The following GALNT14 variants were observed in gnomAD, a reference collection of about 807,000 sequenced individuals.
The protein encoded by GALNT14 is UDP-GalNAc:polypeptide N-acetylgalactosaminyltransferase 14.
Under a neutral mutation model 77.5 loss-of-function variants are expected in GALNT14, and 60 were observed. The observed-to-expected ratio is 0.77, with a 90% CI of 0.63 to 0.96. The LOEUF (loss-of-function observed/expected upper bound fraction) is 0.96, where lower values mean the gene tolerates loss of function less well. Ranked by LOEUF, GALNT14 falls within the 40% of genes least tolerant of loss-of-function variation. The pLI is 0.00. For synonymous variants in GALNT14, 280 were observed against 281.7 expected, an observed-to-expected ratio of 0.99 and a Z score of 0.06; for missense variants, 710 against 731.0, an observed-to-expected ratio of 0.97 and a Z score of 0.33.
chr2:31,075,028 T>G (rs547029327), intron 1 of GALNT14, among the ~76,000 whole-genome samples: 2 of 152,248 alleles, frequency 1.3e-5, no homozygotes, highest in African/African-American at 4.8e-5. Flanking sequence ...GTGGGAGGTG[T>G]TCAGGTCCTG....
At chr2:31,059,437 C>T (rs1296103906) in intron 1 of GALNT14, among the ~76,000 whole-genome samples, 2 of 152,086 alleles carry the variant, frequency 1.3e-5, no homozygotes, top group South Asian at 2.1e-4. Flanking sequence ...ATCTGTGTCC[C>T]CCTAAAATTC....
chr2:30,985,633 C>T (rs978435859), intron 2 of GALNT14, among the ~76,000 whole-genome samples: 7 of 152,228 alleles, frequency 4.6e-5, no homozygotes, highest in Non-Finnish European at 8.8e-5. Context: ...TTCCCTTCCT[C>T]CCCCAGAGGA....
At chr2:30,895,310 G>A in the GALNT14 span, among the ~76,000 whole-genome samples, 3 of 150,622 alleles carry the variant, frequency 2.0e-5, no homozygotes, top group South Asian at 4.3e-4. Context: ...GCAGGTAATG[G>A]AGTAAGTGTT....
At chr2:31,030,825 C>T (rs1672360393) in intron 1 of GALNT14, among the ~76,000 whole-genome samples, 1 of 152,234 alleles carries the variant, frequency 6.6e-6, no homozygotes, top group South Asian at 2.1e-4. Flanking sequence ...TGATCACCAA[C>T]TGTCAGCATC....
intron 1 of GALNT14, among the ~76,000 whole-genome samples, chr2:30,995,001 C>T (rs979625823): frequency 2.6e-5 from 4 of 151,922 alleles, no homozygotes; most frequent in Non-Finnish European, 4.4e-5. Context: ...CAAATGAGTT[C>T]GATCTTGAAG....
chr2:30,988,775 C>G (rs59078374), intron 2 of GALNT14, among the ~76,000 whole-genome samples: 29,443 of 152,158 alleles, frequency 0.19, 3,105 homozygotes, highest in Admixed American at 0.3. Flanking sequence ...CAGTTCAGAT[C>G]GCTAAACTCC....
At chr2:30,967,252 C>T (rs555582512) in intron 2 of GALNT14, among the ~76,000 whole-genome samples, 80 of 152,284 alleles carry the variant, frequency 5.3e-4, no homozygotes, top group African/African-American at 1.8e-3. Context: ...AAATTGTTTG[C>T]AAACTGTGTG....
intron 13 of GALNT14, among the ~76,000 whole-genome samples, chr2:30,918,914 G>A (rs1440656176): frequency 2.0e-5 from 3 of 152,040 alleles, no homozygotes; most frequent in African/African-American, 7.2e-5. Context: ...TGGTGTGCAG[G>A]CAGCCTGTCC....
intron 2 of GALNT14, among the ~76,000 whole-genome samples, chr2:30,972,793 G>A (rs554313276): frequency 3.0e-4 from 46 of 152,284 alleles, no homozygotes; most frequent in Middle Eastern, 6.8e-3. Flanking sequence ...CAGGTACAGC[G>A]ACCTGTCCAG....
Position 31,137,820 on chromosome 2 carries a change from C to T in GALNT14, c.129+138G>A. 3 of 1,087,004 alleles carry T rather than the reference C, an allele frequency of 2.8e-6. No homozygotes were observed. The South Asian group carries it at 4.9e-5, about 18-fold the overall frequency. 67.3% of individuals were successfully genotyped at this position (1,087,004 alleles called of 1,614,324 possible). ...AAAATCCAGAAACATCACATGGTAG[C>T]CACATCCGGCGGCTGTTACCTGCTC... On this transcript the variant is annotated intron_variant, in intron 1 of 14. Transcript: ENST00000349752.
Position 31,078,984 on chromosome 2 carries a change from C to G in GALNT14, c.129+58974G>C. The G allele has an allele frequency of 2.3e-6, 3 of 1,289,164 alleles. No homozygotes were observed. In the South Asian group the frequency reaches 3.7e-5, roughly 16 times the overall value. 79.9% of individuals were successfully genotyped at this position (1,289,164 alleles called of 1,614,324 possible). On this transcript the variant is annotated intron_variant, in intron 1 of 14. Coordinates refer to ENST00000349752, the MANE Select transcript of GALNT14 (RefSeq NM_024572.4). Reference sequence around the variant, plus strand: ...GCTGTTCCATGCCTGGGAGGGAGAGCAGGGGAGCTACAGTGGGCTGCTGAA... The same window carrying G: ...GCTGTTCCATGCCTGGGAGGGAGAGGAGGGGAGCTACAGTGGGCTGCTGAA...
intron 9 of GALNT14, among the ~76,000 whole-genome samples, chr2:30,936,994 C>T (rs557554077): frequency 1.3e-5 from 2 of 152,306 alleles, no homozygotes; most frequent in East Asian, 3.9e-4. Flanking sequence ...CTCCCTTGGG[C>T]ATGGGGCTTT....
At chr2:30,911,108 T>C (rs1193094170) in intron 14 of GALNT14, 49 bp from the exon 15 acceptor site, 6 of 1,573,454 alleles carry the variant, frequency 3.8e-6, no homozygotes, top group Non-Finnish European at 5.2e-6. Flanking sequence ...ATCAGTAACA[T>C]GGGAGTTCCA....
At chr2:30,936,502 T>C (rs575028638) in intron 9 of GALNT14, among the ~76,000 whole-genome samples, 172 of 152,280 alleles carry the variant, frequency 1.1e-3, no homozygotes, top group Middle Eastern at 3.4e-3. Flanking sequence ...GTGTATACAA[T>C]AGCATTGTCC....
At chr2:31,032,588 G>C (rs1212827727) in intron 1 of GALNT14, among the ~76,000 whole-genome samples, 1 of 152,324 alleles carries the variant, frequency 6.6e-6, no homozygotes, top group African/African-American at 2.4e-5. Context: ...GAGCAGCCCA[G>C]AGGTCCATGT....
chr2:30,938,408 TAACA>T (rs983193585), intron 9 of GALNT14, among the ~76,000 whole-genome samples: 3 of 148,414 alleles, frequency 2.0e-5, no homozygotes, highest in Non-Finnish European at 3.0e-5. Flanking sequence ...TCTCTCTCTC[TAACA>T]GACTCCTTTT....
chr2:31,067,386 G>A (rs747416011), intron 1 of GALNT14, among the ~76,000 whole-genome samples: 11 of 152,244 alleles, frequency 7.2e-5, no homozygotes, highest in South Asian at 6.2e-4. Flanking sequence ...TGGGAATGCC[G>A]TGCTGAGTGC....
At chr2:30,989,560 T>TTATATATATATATATATATATATATATA (rs57594110) in intron 2 of GALNT14, among the ~76,000 whole-genome samples, 1 of 87,098 alleles carries the variant, frequency 1.1e-5, no homozygotes, top group African/African-American at 5.4e-5. Flanking sequence ...GGTAAATACC[T>TTATATATATATATATATATATATATATA]TATATATATA....
intron 6 of GALNT14, among the ~76,000 whole-genome samples, chr2:30,948,628 C>A (rs1666845677): frequency 6.6e-6 from 1 of 152,194 alleles, no homozygotes; most frequent in South Asian, 2.1e-4. Context: ...TCTGTACAAC[C>A]TACTGGGAAA....
Sources: gnomAD v4.1 joint callset for allele counts (sites outside exome capture counted in the v4.1 genomes callset) on GRCh38, gnomAD v4.1.1 for gene constraint, MANE v1.5 for transcripts, NCBI Gene and HGNC (gene_info 2026-07-23, HGNC 2026-07-21) for gene names.